The following XRCC4 variants were observed in gnomAD, a reference collection of about 807,000 sequenced individuals.
XRCC4 encodes X-ray repair cross complementing 4, also known as DNA repair protein XRCC4.
XRCC4 carries 28 observed loss-of-function variants against 39.1 expected under a neutral mutation model. The ratio of observed to expected loss-of-function variants is 0.72; its 90% confidence interval spans 0.53 to 0.98. The LOEUF (loss-of-function observed/expected upper bound fraction) is 0.98, where lower values mean the gene tolerates loss of function less well. Among genes scored for constraint, XRCC4 ranks in the 50% least tolerant of loss-of-function variants. The pLI is 0.00. For missense variants in XRCC4, 350 were observed against 376.4 expected, an observed-to-expected ratio of 0.93 and a Z score of 0.58; for synonymous variants, 123 against 126.4, an observed-to-expected ratio of 0.97 and a Z score of 0.18.
chr5:83,343,164 T>C (rs530697006), intron 7 of XRCC4, among the ~76,000 whole-genome samples: 1 of 152,126 alleles, frequency 6.6e-6, no homozygotes, highest in Admixed American at 6.6e-5. Context: ...CTCATCTTCA[T>C]CCCTTGCCCC....
At chr5:83,291,937 TTA>T (rs1311341856) in intron 7 of XRCC4, among the ~76,000 whole-genome samples, 1 of 137,938 alleles carries the variant, frequency 7.2e-6, no homozygotes, top group African/African-American at 2.8e-5. Flanking sequence ...ACTATATATG[TTA>T]TATGTGTATT....
At chr5:83,352,760 A>G (rs1415379997) in intron 7 of XRCC4, among the ~76,000 whole-genome samples, 1 of 152,222 alleles carries the variant, frequency 6.6e-6, no homozygotes, top group Non-Finnish European at 1.5e-5. Context: ...GTAGAATTTA[A>G]GAAAGCCAGA....
At chr5:83,149,556 T>A (rs1748612473) in intron 3 of XRCC4, among the ~76,000 whole-genome samples, 1 of 152,194 alleles carries the variant, frequency 6.6e-6, no homozygotes, top group South Asian at 2.1e-4. Context: ...TTTTGTCTTT[T>A]GAAGCAGTGA....
At chr5:83,159,985 C>T (rs1163057683) in intron 3 of XRCC4, among the ~76,000 whole-genome samples, 1 of 152,024 alleles carries the variant, frequency 6.6e-6, no homozygotes, top group Non-Finnish European at 1.5e-5. Flanking sequence ...TGAATGTTGT[C>T]AATGAGTAAA....
intron 3 of XRCC4, among the ~76,000 whole-genome samples, chr5:83,177,771 GT>G (rs1750025379): frequency 6.6e-6 from 1 of 152,174 alleles, no homozygotes; most frequent in African/African-American, 2.4e-5. Flanking sequence ...GAAATGGGTA[GT>G]TGTGAGAGAT....
chr5:83,218,517 G>T (rs1216615838), intron 6 of XRCC4, among the ~76,000 whole-genome samples: 4 of 151,830 alleles, frequency 2.6e-5, no homozygotes, highest in African/African-American at 9.7e-5. Flanking sequence ...ATATATTTGA[G>T]GATACAGTTT....
intron 3 of XRCC4, among the ~76,000 whole-genome samples, chr5:83,139,375 A>G (rs536943147): frequency 6.6e-6 from 1 of 152,298 alleles, no homozygotes; most frequent in East Asian, 1.9e-4. Context: ...ATTCTTAAGC[A>G]TTACTGTGGG....
At chr5:83,114,834 C>G (rs10073508) in intron 3 of XRCC4, among the ~76,000 whole-genome samples, 1 of 151,906 alleles carries the variant, frequency 6.6e-6, no homozygotes, top group Non-Finnish European at 1.5e-5. Flanking sequence ...CTGTATTAGT[C>G]TGTTCTTACA....
rs200495703 is a variant in XRCC4, at chr5:83,313,075, TTC to T, written c.894-40054_894-40053del. ...AAAAATGTCTCTTTTTTCTTTTCTT[TTC>T]TTTCTTTTTTTTTTTTTTACAATAA... On this transcript the variant is annotated intron_variant, in intron 7 of 7. Transcript: ENST00000396027. Among the ~76,000 whole-genome samples the T allele has an allele frequency of 7.6e-3, 718 of 94,316 alleles. 7 individuals carry two copies. The highest frequency in any genetic ancestry group is 0.024 in the African/African-American group (671 of 28,314). The allele number at this position is 94,316 out of a possible 152,430, so 61.9% of individuals were successfully genotyped here.
At chr5:83,210,765 T>C (rs1580375318) in intron 6 of XRCC4, among the ~76,000 whole-genome samples, 1 of 152,202 alleles carries the variant, frequency 6.6e-6, no homozygotes. Flanking sequence ...GGTAGGTAGC[T>C]TGTGGAGAAA....
intron 1 of XRCC4, among the ~76,000 whole-genome samples, chr5:83,086,158 T>C (rs1745170637): frequency 6.6e-6 from 1 of 152,176 alleles, no homozygotes; most frequent in Non-Finnish European, 1.5e-5. Flanking sequence ...GTTCATAATA[T>C]TGTATGAGTT....
At chr5:83,332,473 T>C (rs1756470096) in intron 7 of XRCC4, among the ~76,000 whole-genome samples, 1 of 152,188 alleles carries the variant, frequency 6.6e-6, no homozygotes, top group Non-Finnish European at 1.5e-5. Flanking sequence ...AGACAGTGTC[T>C]AGAAAAGCAT....
chr5:83,242,104 G>A lies in XRCC4; in HGVS notation c.746-16426G>A, dbSNP rs148143140. ...TTTTATTTAAAAAAAAAAAATTCAC[G>A]TATAAATGGATCCTCACAGTTCAAA... is the stretch of plus-strand genomic sequence containing the variant. On this transcript the variant is annotated intron_variant, in intron 6 of 7. Coordinates refer to ENST00000396027, the MANE Select transcript of XRCC4 (RefSeq NM_003401.5). 7.3e-4 allele frequency among the ~76,000 whole-genome samples: 109 copies of A among 150,178 alleles called. 1 individual carries two copies. The highest frequency in any genetic ancestry group is 2.5e-3 in the African/African-American group (103 of 40,612).
intron 3 of XRCC4, among the ~76,000 whole-genome samples, chr5:83,118,180 A>G (rs890762079): frequency 1.3e-5 from 2 of 152,004 alleles, no homozygotes; most frequent in Non-Finnish European, 2.9e-5. Flanking sequence ...TTCCCCTACT[A>G]CTTAAATAGC....
At chr5:83,324,009 C>T (rs1247416809) in intron 7 of XRCC4, among the ~76,000 whole-genome samples, 2 of 151,844 alleles carry the variant, frequency 1.3e-5, no homozygotes, top group African/African-American at 4.8e-5. Context: ...CATAATTTGC[C>T]ACAGTTTTCA....
downstream of XRCC4, among the ~76,000 whole-genome samples, chr5:83,353,989 T>C (rs1330259109): frequency 6.6e-6 from 1 of 152,220 alleles, no homozygotes; most frequent in African/African-American, 2.4e-5. Flanking sequence ...GGCACTATTA[T>C]CTTTGTAGTC....
chr5:83,218,212 T>TC (rs1386496795), intron 6 of XRCC4, among the ~76,000 whole-genome samples: 11 of 96,750 alleles, frequency 1.1e-4, no homozygotes, highest in Admixed American at 3.9e-4. Flanking sequence ...ATGCTATCCC[T>TC]CCCCCCTCCC....
chr5:83,221,939 C>T (rs6452534), intron 6 of XRCC4, among the ~76,000 whole-genome samples: 39,820 of 151,560 alleles, frequency 0.26, 9,262 homozygotes, highest in East Asian at 0.65. Context: ...CGTTATCTTT[C>T]GTAATGCTTC....
At chr5:83,324,166 A>G (rs2112142422) in intron 7 of XRCC4, among the ~76,000 whole-genome samples, 1 of 152,258 alleles carries the variant, frequency 6.6e-6, no homozygotes, top group South Asian at 2.1e-4. Flanking sequence ...TTTTCTTGGT[A>G]GCCTTGCCTG....
Sources: allele counts gnomAD v4.1 joint callset (sites outside exome capture counted in the v4.1 genomes callset), GRCh38; gene constraint gnomAD v4.1.1; transcripts MANE v1.5; gene names NCBI Gene and HGNC (gene_info 2026-07-23, HGNC 2026-07-21).